The following MBOAT2 variants were observed in gnomAD, a reference collection of about 807,000 sequenced individuals.
The protein encoded by MBOAT2 is membrane-bound glycerophospholipid O-acyltransferase 2.
A neutral mutation model predicts 63.4 loss-of-function variants in MBOAT2; 28 were observed. That is an observed-to-expected ratio of 0.44 (90% CI 0.33 to 0.61). The LOEUF is 0.61. Among genes scored for constraint, MBOAT2 ranks in the 20% least tolerant of loss-of-function variants. The probability of loss-of-function intolerance (pLI) is 0.03; values close to 1 mark genes in which losing one functional copy is unlikely to be tolerated. For missense variants in MBOAT2, 470 were observed against 605.8 expected (o/e 0.78, Z 2.35); for synonymous variants, 211 against 215.6 (o/e 0.98, Z 0.19).
Position 8,858,769 on chromosome 2 carries a change from A to G in MBOAT2, c.1473T>C (p.Asn491=), listed in dbSNP as rs747325590. 2.5e-6 allele frequency: 4 copies of G among 1,613,890 alleles called. No homozygotes were observed. The African/African-American group carries it at 5.3e-5, about 22-fold the overall frequency. Residue 491 remains asparagine (N), a synonymous_variant, in exon 13 of 13, where the codon AAT becomes AAC. Transcript: ENST00000305997. ...SQSKKFDEGE[N]SLGQNSFSTT... ...TAGAAAAACTGTTCTGTCCCAAAGA[A>G]TTTTCTCCTTCATCAAACTTTTTGG... is the stretch of plus-strand genomic sequence containing the variant.
intron 1 of MBOAT2, among the ~76,000 whole-genome samples, chr2:9,000,678 C>T (rs1379267347): frequency 6.6e-6 from 1 of 152,194 alleles, no homozygotes; most frequent in Non-Finnish European, 1.5e-5. Flanking sequence ...CTGCTACACA[C>T]CTAGACCAGA....
At chr2:8,893,526 GTTT>G (rs1664176523) in intron 4 of MBOAT2, among the ~76,000 whole-genome samples, 1 of 152,244 alleles carries the variant, frequency 6.6e-6, no homozygotes, top group Non-Finnish European at 1.5e-5. Context: ...CACAGCAGAT[GTTT>G]AATAGGAGCT....
At chr2:8,990,507 G>T (rs1203543658) in intron 1 of MBOAT2, among the ~76,000 whole-genome samples, 3 of 151,900 alleles carry the variant, frequency 2.0e-5, no homozygotes, top group Non-Finnish European at 4.4e-5. Flanking sequence ...ATCTACTGAA[G>T]CATTTCCTAC....
chr2:8,900,976 G>A (rs1664876856), intron 4 of MBOAT2, among the ~76,000 whole-genome samples: 1 of 152,206 alleles, frequency 6.6e-6, no homozygotes, highest in Non-Finnish European at 1.5e-5. Flanking sequence ...TGCATTTCAA[G>A]GGTGAGCCTG....
chr2:8,862,447 C>G lies in MBOAT2; in HGVS notation c.1185+143G>C. 1 of 1,291,448 alleles carries G rather than the reference C, an allele frequency of 7.7e-7. No individual in the cohort carries two copies. Among genetic ancestry groups the G allele is most frequent in the East Asian group, 2.4e-5 (1 of 41,926 alleles). 80.0% of individuals were successfully genotyped at this position (1,291,448 alleles called of 1,614,324 possible). ...GGTGAGCGCTCAGCAAACATGCACG[C>G]AGTACACACCTCGCTTCTAGTGGAA... On this transcript the variant is annotated intron_variant, in intron 11 of 12. Coordinates refer to ENST00000305997, the MANE Select transcript of MBOAT2 (RefSeq NM_138799.4). The surrounding 1 kb of genome is among the most constrained non-coding windows in gnomAD (Gnocchi z 4.3).
intron 9 of MBOAT2, among the ~76,000 whole-genome samples, chr2:8,864,968 A>T (rs983240983): frequency 5.3e-5 from 8 of 151,232 alleles, no homozygotes; most frequent in Admixed American, 1.3e-4. Context: ...TTTCCTTTCC[A>T]TTCACCTCCC....
At position 8,924,100 on chromosome 2, in the gene MBOAT2, C is replaced by T. The variant is rs75962470; in HGVS notation, c.300-15384G>A. Among the ~76,000 whole-genome samples the T allele has an allele frequency of 6.6e-5, 10 of 152,100 alleles. No homozygotes were observed. The South Asian group carries it at 1.0e-3, about 16-fold the overall frequency. Reference sequence around the variant, plus strand: ...GAGTTCTTTAAATGAGAAATCGTCTCTATATTTGCTACTTGAATAGAAGAA... The same window carrying T: ...GAGTTCTTTAAATGAGAAATCGTCTTTATATTTGCTACTTGAATAGAAGAA... On this transcript the variant is annotated intron_variant, in intron 3 of 12. Coordinates refer to ENST00000305997, the MANE Select transcript of MBOAT2 (RefSeq NM_138799.4).
chr2:8,885,503 C>T (rs1253312193), intron 5 of MBOAT2, among the ~76,000 whole-genome samples: 1 of 152,128 alleles, frequency 6.6e-6, no homozygotes, highest in Non-Finnish European at 1.5e-5. Context: ...AGATATTCAA[C>T]CTGTACAAAC....
intron 8 of MBOAT2, among the ~76,000 whole-genome samples, chr2:8,871,378 G>A (rs766588137): frequency 6.6e-6 from 1 of 151,988 alleles, no homozygotes; most frequent in Non-Finnish European, 1.5e-5. Flanking sequence ...CAAGGACCTC[G>A]TTCTATTGAT....
At chr2:8,892,596 A>G (rs1300514281) in intron 4 of MBOAT2, among the ~76,000 whole-genome samples, 1 of 152,244 alleles carries the variant, frequency 6.6e-6, no homozygotes, top group East Asian at 1.9e-4. Context: ...GGAGAGAGAC[A>G]GATTATAAAC....
At chr2:8,963,509 G>A (rs1297307336) in intron 1 of MBOAT2, among the ~76,000 whole-genome samples, 1 of 151,990 alleles carries the variant, frequency 6.6e-6, no homozygotes, top group East Asian at 2.0e-4. Context: ...TCTCCATGTT[G>A]GTCAGGCGGT....
At position 8,858,645 on chromosome 2, in the gene MBOAT2, CAA is replaced by C. The variant is rs35543955; in HGVS notation, c.*32_*33del. ...TGCTAAGATTGGTTTCTGTTAACAT[CAA>C]AAAAAAAAAACAGCCCTCAGAGCCT... is the stretch of plus-strand genomic sequence containing the variant. On this transcript the variant is annotated 3_prime_UTR_variant, in exon 13 of 13. Transcript: ENST00000305997. 763 of 1,225,312 alleles carry C rather than the reference CAA, an allele frequency of 6.2e-4. No homozygotes were observed. The highest frequency in any genetic ancestry group is 1.3e-3 in the Middle Eastern group (6 of 4,712). The allele number at this position is 1,225,312 out of a possible 1,614,324, so 75.9% of individuals were successfully genotyped here. A position where few individuals can be genotyped will look rare whatever the true frequency, so the allele number is the denominator to read the frequency against.
intron 1 of MBOAT2, among the ~76,000 whole-genome samples, chr2:8,980,022 AT>A (rs752209672): frequency 1.3e-4 from 20 of 152,296 alleles, no homozygotes; most frequent in Non-Finnish European, 2.4e-4. Context: ...TACACAGCTG[AT>A]AAAGGTCACC....
chr2:8,972,521 A>G (rs1015170590), intron 1 of MBOAT2, among the ~76,000 whole-genome samples: 2 of 152,222 alleles, frequency 1.3e-5, no homozygotes, highest in African/African-American at 2.4e-5. Flanking sequence ...GACAAATGGG[A>G]TCTAAATAAA....
intron 1 of MBOAT2, among the ~76,000 whole-genome samples, chr2:8,986,049 A>G (rs773183247): frequency 6.6e-6 from 1 of 152,100 alleles, no homozygotes; most frequent in Non-Finnish European, 1.5e-5. Flanking sequence ...CTCAAAGTAC[A>G]TACCCTTGGA....
At chr2:8,983,554 T>C (rs987981767) in intron 1 of MBOAT2, among the ~76,000 whole-genome samples, 7 of 151,976 alleles carry the variant, frequency 4.6e-5, no homozygotes, top group South Asian at 2.1e-4. Flanking sequence ...ATAAAGGGAG[T>C]GTTCCAGACT....
At chr2:8,960,534 G>A (rs1296824310) in intron 1 of MBOAT2, among the ~76,000 whole-genome samples, 1 of 151,642 alleles carries the variant, frequency 6.6e-6, no homozygotes, top group African/African-American at 2.4e-5. Flanking sequence ...GGGTAAGCAG[G>A]GCGGGCAGCA....
chr2:8,868,800 T>C (rs1393987750), intron 8 of MBOAT2, among the ~76,000 whole-genome samples: 5 of 151,986 alleles, frequency 3.3e-5, no homozygotes, highest in African/African-American at 1.2e-4. Flanking sequence ...TGAGGACCAA[T>C]AGGTGAAGGT....
chr2:8,865,919 C>G (rs1360493991), intron 9 of MBOAT2, among the ~76,000 whole-genome samples: 1 of 152,174 alleles, frequency 6.6e-6, no homozygotes, highest in Non-Finnish European at 1.5e-5. Flanking sequence ...CACCTGGAAT[C>G]CCAGTTACTC....
Sources: allele counts gnomAD v4.1 joint callset (sites outside exome capture counted in the v4.1 genomes callset), GRCh38; gene constraint gnomAD v4.1.1; non-coding constraint Gnocchi (gnomAD v3.1); transcripts MANE v1.5; gene names NCBI Gene and HGNC (gene_info 2026-07-23, HGNC 2026-07-21).